RABGAP1L: variants seen among roughly 807,000 people sequenced by gnomAD.
RABGAP1L encodes the protein rab GTPase-activating protein 1-like.
A neutral mutation model predicts 137.7 loss-of-function variants in RABGAP1L; 63 were observed. That is an observed-to-expected ratio of 0.46 (90% CI 0.37 to 0.56). RABGAP1L has a LOEUF of 0.56. Among genes scored for constraint, RABGAP1L ranks in the 20% least tolerant of loss-of-function variants. The pLI is 0.00. For missense variants in RABGAP1L, 1,095 were observed against 1,244.0 expected, an observed-to-expected ratio of 0.88 and a Z score of 1.80; for synonymous variants, 431 against 433.7, an observed-to-expected ratio of 0.99 and a Z score of 0.08.
intron 17 of RABGAP1L, among the ~76,000 whole-genome samples, chr1:174,743,433 T>A (rs1161620124): frequency 6.6e-6 from 1 of 152,198 alleles, no homozygotes; most frequent in African/African-American, 2.4e-5. Flanking sequence ...AAAAACTATC[T>A]ATTGAACTAT....
At chr1:174,545,098 T>G (rs1157225689) in intron 13 of RABGAP1L, 2 of 152,588 alleles carry the variant, frequency 1.3e-5, no homozygotes, top group African/African-American at 4.8e-5. Context: ...GGTCCCAAAC[T>G]ACATGCTGGG....
chr1:174,456,247 A>C (rs1656028766), intron 13 of RABGAP1L, among the ~76,000 whole-genome samples: 1 of 152,088 alleles, frequency 6.6e-6, no homozygotes, highest in African/African-American at 2.4e-5. Context: ...GAGGGTAATA[A>C]AAAATTTACC....
chr1:174,947,890 T>G (rs933686275), intron 19 of RABGAP1L, among the ~76,000 whole-genome samples: 1 of 152,254 alleles, frequency 6.6e-6, no homozygotes, highest in East Asian at 1.9e-4. Flanking sequence ...ACTAAAATAG[T>G]CCTTCCTGAT....
intron 13 of RABGAP1L, among the ~76,000 whole-genome samples, chr1:174,622,000 T>C (rs1396978054): frequency 7.0e-6 from 1 of 143,120 alleles, no homozygotes; most frequent in Non-Finnish European, 1.5e-5. Context: ...CTCTAACAAA[T>C]CTACAAACAA....
At chr1:174,302,693 G>T (rs1277322771) in intron 10 of RABGAP1L, among the ~76,000 whole-genome samples, 2 of 152,176 alleles carry the variant, frequency 1.3e-5, no homozygotes, top group African/African-American at 4.8e-5. Flanking sequence ...ATACAGGGAA[G>T]TAAGCTACTT....
intron 11 of RABGAP1L, among the ~76,000 whole-genome samples, chr1:174,327,968 T>TATATATAC (rs1680605701): frequency 1.4e-4 from 2 of 14,326 alleles, no homozygotes; most frequent in African/African-American, 1.3e-3. Flanking sequence ...TATATATATA[T>TATATATAC]ATATATATAT....
chr1:174,487,540 A>G (rs968214466), intron 13 of RABGAP1L, among the ~76,000 whole-genome samples: 42 of 152,088 alleles, frequency 2.8e-4, no homozygotes, highest in African/African-American at 9.7e-4. Context: ...TTTTTCTTGT[A>G]GGCAACAGAT....
At chr1:174,361,228 T>TG (rs199782391) in intron 11 of RABGAP1L, among the ~76,000 whole-genome samples, 25 of 95,388 alleles carry the variant, frequency 2.6e-4, no homozygotes, top group East Asian at 1.8e-3. Context: ...CAGTTTTGTT[T>TG]TTTTTTTTTT....
At chr1:174,707,587 A>G (rs78645389) in intron 17 of RABGAP1L, among the ~76,000 whole-genome samples, 3,218 of 152,278 alleles carry the variant, frequency 0.021, 53 homozygotes, top group Middle Eastern at 0.085. Context: ...TGTTTGTGTA[A>G]TGAGACTAAC....
intron 14 of RABGAP1L, among the ~76,000 whole-genome samples, chr1:174,680,895 AC>A (rs201581056): frequency 4.8e-4 from 73 of 152,034 alleles, no homozygotes; most frequent in African/African-American, 1.5e-3. Context: ...TCCAAAAAAA[AC>A]AAAAAACAAA....
At chr1:174,705,428 GACTT>G (rs1392079815) in intron 17 of RABGAP1L, 1 of 152,110 alleles carries the variant, frequency 6.6e-6, no homozygotes, top group African/African-American at 2.4e-5. Flanking sequence ...TGTCAACTGT[GACTT>G]ACAATCAGTG....
At chr1:174,745,223 A>G (rs1683775673) in intron 17 of RABGAP1L, among the ~76,000 whole-genome samples, 1 of 152,172 alleles carries the variant, frequency 6.6e-6, no homozygotes, top group African/African-American at 2.4e-5. Context: ...CTTAGAGAGC[A>G]TGGGAGTATA....
intron 14 of RABGAP1L, among the ~76,000 whole-genome samples, chr1:174,650,960 T>C (rs1675431459): frequency 6.8e-6 from 1 of 147,326 alleles, no homozygotes; most frequent in African/African-American, 2.5e-5. Context: ...CTGCTTTCTC[T>C]TGTGGGCATT....
chr1:174,467,267 C>G (rs952722568), intron 13 of RABGAP1L, among the ~76,000 whole-genome samples: 1 of 151,980 alleles, frequency 6.6e-6, no homozygotes, highest in Non-Finnish European at 1.5e-5. Flanking sequence ...TCCATATGTT[C>G]TTATTGAAAG....
At chr1:174,464,819 A>G (rs894785820) in intron 13 of RABGAP1L, among the ~76,000 whole-genome samples, 4 of 151,068 alleles carry the variant, frequency 2.6e-5, no homozygotes, top group African/African-American at 7.3e-5. Flanking sequence ...ATCTTTATGT[A>G]TAGTTTTATT....
intron 17 of RABGAP1L, among the ~76,000 whole-genome samples, chr1:174,710,850 A>AC (rs775234647): frequency 2.0e-5 from 3 of 152,240 alleles, no homozygotes; most frequent in Non-Finnish European, 4.4e-5. Flanking sequence ...TAGGCTAAAT[A>AC]CCCCAATTAA....
intron 13 of RABGAP1L, among the ~76,000 whole-genome samples, chr1:174,447,504 T>C (rs1471668732): frequency 6.6e-6 from 1 of 152,098 alleles, no homozygotes; most frequent in African/African-American, 2.4e-5. Context: ...AAAGACACTC[T>C]TTGCCACAAT....
At chr1:174,551,256 A>G (rs1572290614) in intron 13 of RABGAP1L, among the ~76,000 whole-genome samples, 1 of 151,590 alleles carries the variant, frequency 6.6e-6, no homozygotes, top group Non-Finnish European at 1.5e-5. Flanking sequence ...CAACAAGAGT[A>G]GAATATGAGT....
At chr1:174,409,360 T>C (rs912597951) in intron 13 of RABGAP1L, among the ~76,000 whole-genome samples, 2 of 152,216 alleles carry the variant, frequency 1.3e-5, no homozygotes, top group Non-Finnish European at 2.9e-5. Flanking sequence ...ACACCTGTCT[T>C]ACTTTAATCT....
Sources: allele counts gnomAD v4.1 joint callset (sites outside exome capture counted in the v4.1 genomes callset), GRCh38; gene constraint gnomAD v4.1.1; transcripts MANE v1.5; gene names NCBI Gene and HGNC (gene_info 2026-07-23, HGNC 2026-07-21).